The following CEP112 variants were observed in gnomAD, a reference collection of about 807,000 sequenced individuals.
The protein encoded by CEP112 is centrosomal protein of 112 kDa.
A neutral mutation model predicts 153.0 loss-of-function variants in CEP112; 127 were observed. The observed-to-expected ratio is 0.83, with a 90% confidence interval of 0.72 to 0.96. The LOEUF is 0.96. Among genes scored for constraint, CEP112 ranks in the 40% least tolerant of loss-of-function variants. CEP112 has a pLI of 0.00. For missense variants in CEP112, 1,089 were observed against 1,101.2 expected (o/e 0.99, Z 0.16); for synonymous variants, 358 against 374.4 (o/e 0.96, Z 0.51).
At chr17:65,970,170 T>C (rs76634443) in intron 17 of CEP112, among the ~76,000 whole-genome samples, 7,845 of 152,228 alleles carry the variant, frequency 0.052, 338 homozygotes, top group Non-Finnish European at 0.074. Context: ...AACATGCATA[T>C]TACATTTGTA....
intron 23 of CEP112, among the ~76,000 whole-genome samples, chr17:65,730,830 G>A (rs184637160): frequency 3.6e-5 from 5 of 139,734 alleles, no homozygotes; most frequent in African/African-American, 1.4e-4. Context: ...CCTACTGGCA[G>A]CTGACCTTGT....
intron 19 of CEP112, among the ~76,000 whole-genome samples, chr17:65,923,501 T>G (rs1262413205): frequency 6.6e-6 from 1 of 152,170 alleles, no homozygotes; most frequent in Non-Finnish European, 1.5e-5. Context: ...GCCATGATCA[T>G]GCCACTGCAC....
chr17:65,747,050 T>A (rs766843575), intron 22 of CEP112, among the ~76,000 whole-genome samples: 6 of 145,938 alleles, frequency 4.1e-5, no homozygotes, highest in Non-Finnish European at 8.9e-5. Context: ...TTTGCAAAAA[T>A]GTTAGTGGTC....
intron 20 of CEP112, among the ~76,000 whole-genome samples, chr17:65,870,163 A>G (rs115182129): frequency 0.012 from 1,827 of 152,254 alleles, 42 homozygotes; most frequent in African/African-American, 0.042. Context: ...CTTCAAAAGG[A>G]GAATTAAAAC....
intron 12 of CEP112, among the ~76,000 whole-genome samples, chr17:66,035,005 TA>T (rs1317080920): frequency 7.3e-4 from 84 of 114,362 alleles, no homozygotes; most frequent in South Asian, 2.4e-3. Flanking sequence ...TATATATATA[TA>T]TATTTTTTTT....
At chr17:66,070,320 A>G (rs745467801) in intron 8 of CEP112, among the ~76,000 whole-genome samples, 6 of 152,188 alleles carry the variant, frequency 3.9e-5, no homozygotes, top group Non-Finnish European at 8.8e-5. Context: ...TTTTGCTTTT[A>G]CATTTAAATC....
intron 24 of CEP112, chr17:65,661,813 A>G (rs1346300735): frequency 6.6e-6 from 1 of 152,116 alleles, no homozygotes; most frequent in East Asian, 1.9e-4. Context: ...TCGGCATTTC[A>G]TCTGCTCTAG....
At chr17:65,973,638 C>A (rs186445671) in intron 17 of CEP112, among the ~76,000 whole-genome samples, 8 of 152,030 alleles carry the variant, frequency 5.3e-5, no homozygotes, top group African/African-American at 1.9e-4. Flanking sequence ...ACTGGAAAAA[C>A]GATACATACT....
chr17:65,722,526 G>C (rs1348465300), intron 23 of CEP112, among the ~76,000 whole-genome samples: 1 of 152,212 alleles, frequency 6.6e-6, no homozygotes, highest in Non-Finnish European at 1.5e-5. Flanking sequence ...TGGGATGACA[G>C]GCGTGACCCA....
intron 17 of CEP112, among the ~76,000 whole-genome samples, chr17:65,992,912 C>T (rs1287308055): frequency 4.8e-5 from 7 of 146,502 alleles, no homozygotes; most frequent in African/African-American, 1.8e-4. Context: ...ATTCTTCCCA[C>T]ATATGTGTAT....
At chr17:65,903,590 G>C (rs2059955037) in intron 19 of CEP112, among the ~76,000 whole-genome samples, 1 of 152,056 alleles carries the variant, frequency 6.6e-6, no homozygotes, top group Admixed American at 6.6e-5. Context: ...GGAAAAAGTG[G>C]GACTCCTCCC....
At chr17:65,891,911 G>A (rs748486766) in intron 20 of CEP112, among the ~76,000 whole-genome samples, 3 of 152,270 alleles carry the variant, frequency 2.0e-5, no homozygotes, top group South Asian at 2.1e-4. Flanking sequence ...TTGGAGAGGC[G>A]TTCTCTGATG....
intron 9 of CEP112, among the ~76,000 whole-genome samples, chr17:66,068,273 T>C (rs978284970): frequency 3.3e-5 from 5 of 152,120 alleles, no homozygotes; most frequent in Non-Finnish European, 5.9e-5. Flanking sequence ...AAAAGTCAGC[T>C]TAACAAGAAC....
chr17:65,793,050 G>A (rs1247676936), intron 21 of CEP112, among the ~76,000 whole-genome samples: 1 of 152,058 alleles, frequency 6.6e-6, no homozygotes, highest in East Asian at 1.9e-4. Context: ...CTGCACTGGT[G>A]GGGGGCGAGG....
intron 24 of CEP112, among the ~76,000 whole-genome samples, chr17:65,665,557 T>C (rs546508291): frequency 2.6e-5 from 4 of 152,294 alleles, no homozygotes; most frequent in Non-Finnish European, 5.9e-5. Context: ...CCTGGAAACA[T>C]AGGCTCAGGA....
intron 19 of CEP112, among the ~76,000 whole-genome samples, chr17:65,911,360 T>C (rs752378968): frequency 7.2e-5 from 11 of 152,198 alleles, no homozygotes; most frequent in Non-Finnish European, 2.9e-5. Context: ...CTGGTATAAG[T>C]AGGTGGAAGG....
chr17:65,856,636 T>C (rs913004937), intron 20 of CEP112, among the ~76,000 whole-genome samples: 6 of 152,164 alleles, frequency 3.9e-5, no homozygotes, highest in Non-Finnish European at 8.8e-5. Context: ...ATAAGTACAG[T>C]TTTGTTACTT....
intron 16 of CEP112, among the ~76,000 whole-genome samples, chr17:66,011,553 C>A (rs2064528120): frequency 6.6e-6 from 1 of 152,048 alleles, no homozygotes; most frequent in African/African-American, 2.4e-5. Context: ...GTATTAATTT[C>A]TATTTTTAAT....
chr17:65,829,922 G>C (rs1201259840), intron 21 of CEP112, among the ~76,000 whole-genome samples: 1 of 152,166 alleles, frequency 6.6e-6, no homozygotes, highest in Non-Finnish European at 1.5e-5. Context: ...AAAATGTATA[G>C]ACACCCTATT....
Sources: allele counts gnomAD v4.1 joint callset (sites outside exome capture counted in the v4.1 genomes callset), GRCh38; gene constraint gnomAD v4.1.1; transcripts MANE v1.5; gene names NCBI Gene and HGNC (gene_info 2026-07-23, HGNC 2026-07-21).